Variants in PRRX2 observed in about 807,000 individuals in gnomAD.
PRRX2 encodes the protein paired mesoderm homeobox protein 2.
PRRX2 carries 11 observed loss-of-function variants against 18.0 expected under a neutral mutation model. The observed-to-expected ratio is 0.61, with a 90% CI of 0.39 to 1.01. PRRX2 has a LOEUF of 1.01. PRRX2 is among the 50% of genes least tolerant of loss of function. PRRX2 has a pLI of 0.01. For missense variants in PRRX2, 387 were observed against 351.0 expected, an observed-to-expected ratio of 1.10 and a Z score of -0.82; for synonymous variants, 177 against 154.8, an observed-to-expected ratio of 1.14 and a Z score of -1.06.
intron 3 of PRRX2, among the ~76,000 whole-genome samples, chr9:129,721,005 A>G (rs1031391454): frequency 6.7e-6 from 1 of 149,862 alleles, no homozygotes; most frequent in South Asian, 2.1e-4. Flanking sequence ...GTCAACGTAC[A>G]TGTGGGCACA....
At chr9:129,705,135 T>TCCC (rs1365891220) in intron 1 of PRRX2, among the ~76,000 whole-genome samples, 5 of 136,256 alleles carry the variant, frequency 3.7e-5, no homozygotes. Flanking sequence ...ACTCCCTGCC[T>TCCC]CCCACCCACC....
intron 1 of PRRX2, among the ~76,000 whole-genome samples, chr9:129,697,092 C>CGGCCT (rs898550046): frequency 3.3e-5 from 5 of 152,230 alleles, no homozygotes; most frequent in Non-Finnish European, 5.9e-5. Flanking sequence ...GCGCCCGGCC[C>CGGCCT]GGCCTGGCCC....
intron 1 of PRRX2, among the ~76,000 whole-genome samples, chr9:129,672,464 C>T (rs1285256638): frequency 1.3e-5 from 2 of 152,176 alleles, no homozygotes; most frequent in Non-Finnish European, 2.9e-5. Flanking sequence ...CCTGGCCCTC[C>T]TGTTCCAAAA....
intron 1 of PRRX2, among the ~76,000 whole-genome samples, chr9:129,698,584 A>C (rs61572801): frequency 0.14 from 21,822 of 152,212 alleles, 2,091 homozygotes; most frequent in East Asian, 0.36. Flanking sequence ...ATGCACATCA[A>C]CTCAGAGACT....
chr9:129,697,826 C>T (rs937699826), intron 1 of PRRX2, among the ~76,000 whole-genome samples: 6 of 152,184 alleles, frequency 3.9e-5, no homozygotes, highest in Non-Finnish European at 8.8e-5. Context: ...GACGCTTCCC[C>T]GCCCCCCGAA....
intron 1 of PRRX2, among the ~76,000 whole-genome samples, chr9:129,694,450 G>T (rs1194221980): frequency 6.6e-6 from 1 of 152,236 alleles, no homozygotes; most frequent in African/African-American, 2.4e-5. Context: ...CTCCCACAGT[G>T]CTGGGATTAT....
At chr9:129,684,391 G>GGAGACACACACACAGAGA (rs146971743) in intron 1 of PRRX2, among the ~76,000 whole-genome samples, 1 of 147,380 alleles carries the variant, frequency 6.8e-6, no homozygotes. Context: ...TTCCTATAGA[G>GGAGACACACACACAGAGA]GAGACACACA....
chr9:129,676,042 C>T (rs953567339), intron 1 of PRRX2, among the ~76,000 whole-genome samples: 6 of 152,198 alleles, frequency 3.9e-5, no homozygotes, highest in Non-Finnish European at 8.8e-5. Context: ...GGAGGCTGCT[C>T]CCACCCCAGG....
chr9:129,708,190 C>G (rs1185846333), intron 1 of PRRX2, among the ~76,000 whole-genome samples: 2 of 152,218 alleles, frequency 1.3e-5, no homozygotes, highest in Non-Finnish European at 2.9e-5. Flanking sequence ...TACCTGCCAC[C>G]ACGCCTGGCT....
At chr9:129,684,462 A>ACACACACACACAC (rs1832273869) in intron 1 of PRRX2, among the ~76,000 whole-genome samples, 1 of 133,552 alleles carries the variant, frequency 7.5e-6, no homozygotes, top group Non-Finnish European at 1.6e-5. Context: ...ACACACACCC[A>ACACACACACACAC]ACAGAAAAGA....
intron 1 of PRRX2, among the ~76,000 whole-genome samples, chr9:129,685,247 C>T (rs1832287488): frequency 6.6e-6 from 1 of 152,256 alleles, no homozygotes; most frequent in Non-Finnish European, 1.5e-5. Context: ...GCAGCATCCC[C>T]CTCACGTTAC....
intron 1 of PRRX2, among the ~76,000 whole-genome samples, chr9:129,716,493 C>T (rs1265718824): frequency 1.4e-5 from 2 of 147,746 alleles, no homozygotes; most frequent in South Asian, 2.1e-4. Flanking sequence ...CTCACTCTGT[C>T]GCCCAGGCTG....
At chr9:129,717,823 G>T (rs560064399) in intron 1 of PRRX2, among the ~76,000 whole-genome samples, 5 of 152,180 alleles carry the variant, frequency 3.3e-5, no homozygotes, top group African/African-American at 9.6e-5. Flanking sequence ...GTGACAAGCA[G>T]TGTGATTACT....
Position 129,697,486 on chromosome 9 carries a change from G to A in PRRX2, c.260-21745G>A, listed in dbSNP as rs1386898136. The stretch of plus-strand genomic sequence containing the variant: ...CGAGGCAGGCGCCAGGGGCTCGTCT[G>A]GAACCAGATGTGCCGCGGCGCCGCT... On this transcript the variant is annotated intron_variant, in intron 1 of 3. Transcript: ENST00000372469. Among the ~76,000 whole-genome samples, 14 of 151,186 alleles carry A rather than the reference G, an allele frequency of 9.3e-5. No homozygotes were observed. The East Asian group carries it at 2.7e-3, about 29-fold the overall frequency.
At chr9:129,682,368 C>T (rs1335505861) in intron 1 of PRRX2, among the ~76,000 whole-genome samples, 2 of 152,102 alleles carry the variant, frequency 1.3e-5, no homozygotes, top group Non-Finnish European at 2.9e-5. Flanking sequence ...ATTCGCAACT[C>T]CTGTGAGGGC....
At chr9:129,702,485 G>T (rs903124828) in intron 1 of PRRX2, among the ~76,000 whole-genome samples, 1 of 152,204 alleles carries the variant, frequency 6.6e-6, no homozygotes, top group Non-Finnish European at 1.5e-5. Flanking sequence ...CACTGGCCAT[G>T]TGTGGATATT....
rs540931149 is a variant in PRRX2, at chr9:129,668,147, GGA to G, written c.259+2027_259+2028del. ...GGATCTGGGTCTACAGGCAGAAGGTGGAGAGAGGGGACTGCAGGGCAGGCGCC... is the reference window on the plus strand; with the variant it reads ...GGATCTGGGTCTACAGGCAGAAGGTGGAGAGGGGACTGCAGGGCAGGCGCC... On this transcript the variant is annotated intron_variant, in intron 1 of 3. Transcript: ENST00000372469. Among the ~76,000 whole-genome samples the G allele has an allele frequency of 2.4e-4, 37 of 152,338 alleles. No homozygotes were observed. In the East Asian group the frequency reaches 6.8e-3, roughly 28 times the overall value.
intron 1 of PRRX2, among the ~76,000 whole-genome samples, chr9:129,711,753 C>T (rs545342910): frequency 3.6e-4 from 55 of 152,064 alleles, no homozygotes; most frequent in Non-Finnish European, 6.9e-4. Flanking sequence ...GGTTCACCCA[C>T]GGCACTCTGC....
intron 1 of PRRX2, among the ~76,000 whole-genome samples, chr9:129,669,397 A>G (rs892785931): frequency 5.3e-5 from 8 of 152,240 alleles, no homozygotes; most frequent in African/African-American, 1.9e-4. Context: ...GACTTACAAC[A>G]AAAGAAACCA....
Sources: allele counts gnomAD v4.1 joint callset (sites outside exome capture counted in the v4.1 genomes callset), GRCh38; gene constraint gnomAD v4.1.1; transcripts MANE v1.5; gene names NCBI Gene and HGNC (gene_info 2026-07-23, HGNC 2026-07-21).